Variants in ABRAXAS2 observed in about 807,000 individuals in gnomAD.
ABRAXAS2 encodes the protein BRISC complex subunit Abraxas 2.
Under a neutral mutation model 49.0 loss-of-function variants are expected in ABRAXAS2, and 23 were observed. The ratio of observed to expected loss-of-function variants is 0.47; its 90% confidence interval spans 0.34 to 0.66. The LOEUF (loss-of-function observed/expected upper bound fraction) is 0.66. Among genes scored for constraint, ABRAXAS2 ranks in the 30% least tolerant of loss-of-function variants. The pLI is 0.01. For missense variants in ABRAXAS2, 443 were observed against 511.9 expected, an observed-to-expected ratio of 0.87 and a Z score of 1.30; for synonymous variants, 168 against 180.2, an observed-to-expected ratio of 0.93 and a Z score of 0.54.
At chr10:124,833,903 T>G (rs951699728) in intron 8 of ABRAXAS2, among the ~76,000 whole-genome samples, 1 of 152,196 alleles carries the variant, frequency 6.6e-6, no homozygotes, top group South Asian at 2.1e-4. Context: ...TTTTAAAGTT[T>G]TAAGGTATAT....
chr10:124,819,232 C>T (rs1012387467), intron 3 of ABRAXAS2, 152 bp from the exon 4 acceptor site: 13 of 535,020 alleles, frequency 2.4e-5, no homozygotes, highest in Middle Eastern at 8.4e-4. Context: ...TTCAGAAAAA[C>T]ATTTGGACTG....
At chr10:124,805,362 CTG>C (rs1950735263) in intron 1 of ABRAXAS2, among the ~76,000 whole-genome samples, 2 of 150,886 alleles carry the variant, frequency 1.3e-5, no homozygotes, top group African/African-American at 4.9e-5. Flanking sequence ...AAAAAAGTGT[CTG>C]TCTTTCCCCA....
chr10:124,825,264 G>T (rs1950889532), intron 4 of ABRAXAS2, among the ~76,000 whole-genome samples: 1 of 142,582 alleles, frequency 7.0e-6, no homozygotes. Context: ...GTTGCTGTGA[G>T]CCGAGATCAT....
At chr10:124,826,567 C>T (rs777633109) in intron 4 of ABRAXAS2, 28 bp from the exon 5 acceptor site, 3 of 1,594,770 alleles carry the variant, frequency 1.9e-6, no homozygotes, top group African/African-American at 2.7e-5. Flanking sequence ...TGTAAGATTT[C>T]ATGCAACTTT....
chr10:124,816,485 A>T, intron 2 of ABRAXAS2, 91 bp from the exon 3 acceptor site: 6 of 759,786 alleles, frequency 7.9e-6, no homozygotes, highest in South Asian at 1.6e-5. Context: ...GTTGTCAGAG[A>T]TTTTGATTAA....
At chr10:124,826,521 C>A in intron 4 of ABRAXAS2, 74 bp from the exon 5 acceptor site, 2 of 1,417,518 alleles carry the variant, frequency 1.4e-6, no homozygotes, top group Non-Finnish European at 2.0e-6. Flanking sequence ...AACATTTGTG[C>A]ATGTGTGTTT....
intron 4 of ABRAXAS2, among the ~76,000 whole-genome samples, chr10:124,821,989 A>T (rs1022213851): frequency 6.6e-6 from 1 of 152,226 alleles, no homozygotes; most frequent in African/African-American, 2.4e-5. Flanking sequence ...CAAATTACTC[A>T]TTTTATAGTT....
intron 8 of ABRAXAS2, among the ~76,000 whole-genome samples, chr10:124,834,037 G>A (rs553138624): frequency 6.6e-6 from 1 of 152,240 alleles, no homozygotes; most frequent in South Asian, 2.1e-4. Flanking sequence ...TTTGATAGGA[G>A]GCTGCCAAAG....
At chr10:124,828,214 G>A (rs913257631) in intron 5 of ABRAXAS2, among the ~76,000 whole-genome samples, 4 of 151,866 alleles carry the variant, frequency 2.6e-5, no homozygotes, top group African/African-American at 9.7e-5. Flanking sequence ...CTATTATTTT[G>A]GAGACAGGGT....
intron 1 of ABRAXAS2, among the ~76,000 whole-genome samples, chr10:124,806,105 C>T (rs1243240903): frequency 6.6e-6 from 1 of 151,990 alleles, no homozygotes; most frequent in African/African-American, 2.4e-5. Flanking sequence ...TCGAGACCAT[C>T]CTGGCTAACA....
chr10:124,825,037 G>A (rs1199423370), intron 4 of ABRAXAS2, among the ~76,000 whole-genome samples: 1 of 151,938 alleles, frequency 6.6e-6, no homozygotes, highest in African/African-American at 2.4e-5. Context: ...ATTATATACT[G>A]AGGCCAGGCA....
At chr10:124,806,558 T>G (rs1950745963) in intron 1 of ABRAXAS2, among the ~76,000 whole-genome samples, 1 of 152,194 alleles carries the variant, frequency 6.6e-6, no homozygotes, top group African/African-American at 2.4e-5. Context: ...TACTTAAGAT[T>G]TAGGTGATGA....
chr10:124,834,479 G>C, intron 8 of ABRAXAS2, 23 bp from the exon 9 acceptor site: 5 of 1,589,630 alleles, frequency 3.1e-6, no homozygotes, highest in Non-Finnish European at 3.4e-6. Context: ...GAAAGTGTTA[G>C]AATATTCTTT....
At chr10:124,824,883 T>G (rs1950887405) in intron 4 of ABRAXAS2, among the ~76,000 whole-genome samples, 1 of 152,190 alleles carries the variant, frequency 6.6e-6, no homozygotes, top group Non-Finnish European at 1.5e-5. Flanking sequence ...AAAACTACTT[T>G]TACCTTTTTT....
At chr10:124,805,261 G>C (rs1950733690) in intron 1 of ABRAXAS2, among the ~76,000 whole-genome samples, 1 of 151,504 alleles carries the variant, frequency 6.6e-6, no homozygotes, top group Non-Finnish European at 1.5e-5. Context: ...TGAACCCCGG[G>C]AGGCGGAGCT....
At chr10:124,815,933 C>T (rs189082115) in intron 2 of ABRAXAS2, among the ~76,000 whole-genome samples, 1,405 of 136,142 alleles carry the variant, frequency 0.01, 22 homozygotes, top group African/African-American at 0.038. Flanking sequence ...GACAGAGTTT[C>T]GCTCTGTTGC....
Position 124,835,456 on chromosome 10 carries a change from A to G in ABRAXAS2, c.*485A>G, listed in dbSNP as rs954147298. On this transcript the variant is annotated 3_prime_UTR_variant, in exon 9 of 9. Transcript: ENST00000298492. ...CATCTTTGCCAGAAAAGAAATTTTG[A>G]TAATTCCAAGAAGCCTGATTAGAAC... 1 of 153,434 alleles carries G rather than the reference A, an allele frequency of 6.5e-6. No individual in the cohort carries two copies. The highest frequency in any genetic ancestry group is 1.5e-5 in the Non-Finnish European group (1 of 68,674). The allele number at this position is 153,434 out of a possible 1,614,324, so 9.5% of individuals were successfully genotyped here.
Position 124,809,371 on chromosome 10 carries a change from G to A in ABRAXAS2, c.163+2450G>A, listed in dbSNP as rs140493406. 5.6e-3 allele frequency among the ~76,000 whole-genome samples: 855 copies of A among 151,866 alleles called. 14 individuals are homozygous for A. The highest frequency in any genetic ancestry group is 0.021 in the South Asian group (101 of 4,794). On this transcript the variant is annotated intron_variant, in intron 2 of 8. Coordinates refer to ENST00000298492, the MANE Select transcript of ABRAXAS2 (RefSeq NM_032182.4). ...GTGGCGTCAGCTCACTGCAACCTCC[G>A]CATCCCGGGTTCAAGCGATTCTCCT...
chr10:124,805,226 G>C (rs910360316), intron 1 of ABRAXAS2, among the ~76,000 whole-genome samples: 2 of 151,800 alleles, frequency 1.3e-5, no homozygotes, highest in East Asian at 2.0e-4. Flanking sequence ...CCAGCTACTC[G>C]GGAGGCTGAG....
Sources: allele counts gnomAD v4.1 joint callset (sites outside exome capture counted in the v4.1 genomes callset), GRCh38; gene constraint gnomAD v4.1.1; transcripts MANE v1.5; gene names NCBI Gene and HGNC (gene_info 2026-07-23, HGNC 2026-07-21).